Variants in NME7 observed in about 807,000 individuals in gnomAD.
NME7 encodes nucleoside diphosphate kinase 7.
In NME7, 41 loss-of-function variants were observed where a neutral mutation model predicts 49.1. That is an observed-to-expected ratio of 0.83 (90% CI 0.65 to 1.08). The LOEUF (loss-of-function observed/expected upper bound fraction) is 1.08. Among genes scored for constraint, NME7 ranks in the 50% least tolerant of loss-of-function variants. NME7 has a pLI of 0.00. For missense variants in NME7, 423 were observed against 463.4 expected (o/e 0.91, Z 0.80); for synonymous variants, 139 against 150.6 (o/e 0.92, Z 0.56).
intron 1 of NME7, among the ~76,000 whole-genome samples, chr1:169,348,187 T>G (rs1001571100): frequency 6.6e-6 from 1 of 152,176 alleles, no homozygotes; most frequent in African/African-American, 2.4e-5. Flanking sequence ...GTGTTAGAAG[T>G]AGTGATCATC....
At chr1:169,276,564 A>T (rs7537097) in intron 7 of NME7, among the ~76,000 whole-genome samples, 10,455 of 130,200 alleles carry the variant, frequency 0.08, 2,514 homozygotes, top group East Asian at 0.74. Context: ...TGCGTCTATT[A>T]GATTCTTCTC....
At chr1:169,303,218 AT>A in intron 4 of NME7, 23 bp from the exon 5 acceptor site, 1 of 1,236,860 alleles carries the variant, frequency 8.1e-7, no homozygotes, top group Non-Finnish European at 1.1e-6. Context: ...CAAAAAGGCA[AT>A]AGTTAAGAAT....
rs1648754338 is a variant in NME7 at position 169,253,735 on chromosome 1, C to T, written c.755-16048G>A. Among the ~76,000 whole-genome samples the T allele has an allele frequency of 2.6e-5, 4 of 151,952 alleles. No individual in the cohort carries two copies. In the South Asian group the frequency reaches 8.3e-4, roughly 32 times the overall value. On this transcript the variant is annotated intron_variant, in intron 7 of 11. Coordinates refer to ENST00000367811, the MANE Select transcript of NME7 (RefSeq NM_013330.5). ...AGCTCTTATTATTTTGAAATACGTCCCATCAATACCTAATTTATTGAGAGT... is the reference window on the plus strand; with the variant it reads ...AGCTCTTATTATTTTGAAATACGTCTCATCAATACCTAATTTATTGAGAGT...
intron 7 of NME7, among the ~76,000 whole-genome samples, chr1:169,251,642 G>T (rs1648621845): frequency 7.0e-6 from 1 of 142,780 alleles, no homozygotes; most frequent in Non-Finnish European, 1.5e-5. Flanking sequence ...CATGTGCCAT[G>T]CTGGTGCACT....
chr1:169,311,416 C>CAAAAAAAAAAAAA (rs34576386), intron 3 of NME7, among the ~76,000 whole-genome samples: 1 of 83,648 alleles, frequency 1.2e-5, no homozygotes, highest in Non-Finnish European at 2.2e-5. Context: ...GACTCCATCT[C>CAAAAAAAAAAAAA]AAAAAAAAAA....
At chr1:169,177,756 A>G (rs1272189133) in intron 10 of NME7, among the ~76,000 whole-genome samples, 1 of 152,088 alleles carries the variant, frequency 6.6e-6, no homozygotes, top group African/African-American at 2.4e-5. Context: ...ACCCCTTCCA[A>G]CTTTTCAAAG....
At chr1:169,308,743 C>T (rs1210859798) in intron 4 of NME7, among the ~76,000 whole-genome samples, 1 of 151,918 alleles carries the variant, frequency 6.6e-6, no homozygotes, top group African/African-American at 2.4e-5. Flanking sequence ...GCCATTCTTA[C>T]GGGGTTAGAG....
chr1:169,278,211 T>G (rs1401726332), intron 7 of NME7, among the ~76,000 whole-genome samples: 1 of 148,296 alleles, frequency 6.7e-6, no homozygotes, highest in African/African-American at 2.4e-5. Flanking sequence ...TTCTCTGTAT[T>G]TCCTGAATCT....
intron 11 of NME7, among the ~76,000 whole-genome samples, chr1:169,156,573 A>C (rs951307408): frequency 3.3e-5 from 5 of 152,212 alleles, no homozygotes; most frequent in Admixed American, 1.3e-4. Flanking sequence ...ATGATTTTAT[A>C]AGTGCCTATA....
intron 1 of NME7, 110 bp from the exon 2 acceptor site, chr1:169,324,610 C>T: frequency 3.1e-6 from 2 of 643,968 alleles, no homozygotes; most frequent in Non-Finnish European, 5.4e-6. Context: ...ATTACTTCTA[C>T]CTATTATATT....
chr1:169,215,013 C>T (rs1017714421), intron 10 of NME7, among the ~76,000 whole-genome samples: 26 of 152,182 alleles, frequency 1.7e-4, no homozygotes, highest in African/African-American at 6.3e-4. Context: ...TGGTGGGCCC[C>T]GAATTCTTGT....
chr1:169,233,959 C>T (rs540213386), intron 9 of NME7, among the ~76,000 whole-genome samples: 14 of 151,816 alleles, frequency 9.2e-5, no homozygotes, highest in African/African-American at 2.7e-4. Context: ...TTCTCTCTCC[C>T]TCCTTCCTTT....
intron 10 of NME7, among the ~76,000 whole-genome samples, chr1:169,207,310 G>GC (rs894778172): frequency 6.6e-6 from 1 of 152,094 alleles, no homozygotes; most frequent in Non-Finnish European, 1.5e-5. Context: ...TGAGGGATCT[G>GC]CCCCCAGGAC....
chr1:169,329,565 G>A (rs1288168511), intron 1 of NME7, among the ~76,000 whole-genome samples: 2 of 151,810 alleles, frequency 1.3e-5, no homozygotes, highest in East Asian at 3.9e-4. Flanking sequence ...ACTGAAGAAG[G>A]CATCAGAGTC....
rs1302383616 is a variant in NME7, at chr1:169,274,310, GTTGT to G, written c.754+12989_754+12992del. Among the ~76,000 whole-genome samples the G allele has an allele frequency of 1.6e-4, 21 of 133,086 alleles. 2 individuals are homozygous for G. The highest frequency in any genetic ancestry group is 1.2e-3 in the Admixed American group (16 of 13,578). The allele number at this position is 133,086 out of a possible 152,430, so 87.3% of individuals were successfully genotyped here. ...TATTCTTTGTCCACTTTTTGATGGG[GTTGT>G]TTGTTTTTTTCTTGTAAATTTGTTT... On this transcript the variant is annotated intron_variant, in intron 7 of 11. Transcript: ENST00000367811.
rs1296494605 is a variant in NME7 at position 169,263,561 on chromosome 1, G to A, written c.754+23742C>T. ...AATACAGTCAGACAGGAAGAAAACAGAACAAAAAGGAATGAATAAAACCTC... is the reference window on the plus strand; with the variant it reads ...AATACAGTCAGACAGGAAGAAAACAAAACAAAAAGGAATGAATAAAACCTC... On this transcript the variant is annotated intron_variant, in intron 7 of 11. Transcript: ENST00000367811. Among the ~76,000 whole-genome samples, 4 of 133,290 alleles carry A rather than the reference G, an allele frequency of 3.0e-5. 2 individuals are homozygous for A. Among genetic ancestry groups the A allele is most frequent in the Non-Finnish European group, 7.1e-5 (4 of 56,674 alleles). 87.4% of individuals were successfully genotyped at this position (133,290 alleles called of 152,430 possible).
At chr1:169,353,722 T>C (rs1166809336) in intron 1 of NME7, among the ~76,000 whole-genome samples, 1 of 151,816 alleles carries the variant, frequency 6.6e-6, no homozygotes, top group Non-Finnish European at 1.5e-5. Flanking sequence ...TCTAATAATC[T>C]GACTAAAAAT....
At chr1:169,186,509 AG>A (rs2101755883) in intron 10 of NME7, among the ~76,000 whole-genome samples, 1 of 152,362 alleles carries the variant, frequency 6.6e-6, no homozygotes, top group Non-Finnish European at 1.5e-5. Flanking sequence ...GTATGTGTCC[AG>A]GAATTTATCC....
intron 11 of NME7, among the ~76,000 whole-genome samples, chr1:169,155,454 T>C (rs1208443061): frequency 6.6e-6 from 1 of 152,222 alleles, no homozygotes; most frequent in Non-Finnish European, 1.5e-5. Flanking sequence ...AAACTATTAG[T>C]GGATTCTATT....
Sources: gnomAD v4.1 joint callset for allele counts (sites outside exome capture counted in the v4.1 genomes callset) on GRCh38, gnomAD v4.1.1 for gene constraint, MANE v1.5 for transcripts, NCBI Gene and HGNC (gene_info 2026-07-23, HGNC 2026-07-21) for gene names.